Variants in CNTNAP4 observed in about 807,000 individuals in gnomAD.
CNTNAP4 encodes the protein contactin associated protein family member 4.
In CNTNAP4, 98 loss-of-function variants were observed where a neutral mutation model predicts 148.4. The observed-to-expected ratio is 0.66, with a 90% CI of 0.56 to 0.78. CNTNAP4 has a LOEUF of 0.78. Among genes scored for constraint, CNTNAP4 ranks in the 30% least tolerant of loss-of-function variants. The pLI, the probability that CNTNAP4 is intolerant of heterozygous loss-of-function variation, is 0.00. For missense variants in CNTNAP4, 1,935 were observed against 1,565.6 expected (o/e 1.24, Z -3.98); for synonymous variants, 730 against 565.1 (o/e 1.29, Z -4.14).
At chr16:76,403,866 A>T (rs879190429) in intron 3 of CNTNAP4, among the ~76,000 whole-genome samples, 1 of 152,238 alleles carries the variant, frequency 6.6e-6, no homozygotes, top group East Asian at 1.9e-4. Flanking sequence ...CTATGCAGCC[A>T]TAAGAAAAGA....
At chr16:76,308,748 G>C (rs1046563127) in intron 1 of CNTNAP4, among the ~76,000 whole-genome samples, 1 of 152,204 alleles carries the variant, frequency 6.6e-6, no homozygotes, top group Non-Finnish European at 1.5e-5. Flanking sequence ...AGGCAGTTAG[G>C]ATGAATCACT....
intron 3 of CNTNAP4, among the ~76,000 whole-genome samples, chr16:76,389,727 A>G (rs372998699): frequency 1.6e-4 from 24 of 152,104 alleles, no homozygotes; most frequent in Admixed American, 2.0e-4. Context: ...CAGCCTCCCA[A>G]AGTGCTGGGA....
At chr16:76,481,857 C>T (rs542247153) in intron 12 of CNTNAP4, among the ~76,000 whole-genome samples, 9 of 151,868 alleles carry the variant, frequency 5.9e-5, no homozygotes, top group East Asian at 5.8e-4. Context: ...CCTAGGATAG[C>T]GGGAGTATGG....
chr16:76,425,861 A>G (rs1237313290), intron 3 of CNTNAP4, among the ~76,000 whole-genome samples: 2 of 152,202 alleles, frequency 1.3e-5, no homozygotes, highest in Non-Finnish European at 2.9e-5. Context: ...TCTAAGTGGC[A>G]AAGAAAGTGT....
At chr16:76,480,459 G>A (rs1299976545) in intron 12 of CNTNAP4, among the ~76,000 whole-genome samples, 1 of 152,110 alleles carries the variant, frequency 6.6e-6, no homozygotes, top group Non-Finnish European at 1.5e-5. Context: ...AATAAATGGA[G>A]AAATATAAAA....
At chr16:76,420,659 C>T (rs1313339985) in intron 3 of CNTNAP4, among the ~76,000 whole-genome samples, 1 of 151,828 alleles carries the variant, frequency 6.6e-6, no homozygotes, top group African/African-American at 2.4e-5. Context: ...ATGAAAGCTG[C>T]TCATAAAACC....
chr16:76,441,098 C>G (rs1287896215), intron 4 of CNTNAP4, among the ~76,000 whole-genome samples: 1 of 152,082 alleles, frequency 6.6e-6, no homozygotes, highest in Non-Finnish European at 1.5e-5. Flanking sequence ...TCCTGCATGT[C>G]TTAGAAATCA....
rs2013007015 is a variant in CNTNAP4, at chr16:76,358,589, A to G, written c.390+3078A>G. On this transcript the variant is annotated intron_variant, in intron 3 of 23. Coordinates refer to ENST00000611870, the MANE Select transcript of CNTNAP4 (RefSeq NM_033401.5). Reference sequence around the variant, plus strand: ...TTTTATGAAGCTGGAAAGGTGTGAAAAAAGCATGGACATTGGGGATATCCA... The same window carrying G: ...TTTTATGAAGCTGGAAAGGTGTGAAGAAAGCATGGACATTGGGGATATCCA... 2.0e-5 allele frequency among the ~76,000 whole-genome samples: 3 copies of G among 152,198 alleles called. No individual in the cohort carries two copies. The South Asian group carries it at 6.2e-4, about 32-fold the overall frequency.
chr16:76,315,745 C>T (rs1296463756), intron 1 of CNTNAP4, among the ~76,000 whole-genome samples: 1 of 152,086 alleles, frequency 6.6e-6, no homozygotes, highest in Admixed American at 6.6e-5. Flanking sequence ...CAGGCGTGTG[C>T]CACCACACCC....
intron 3 of CNTNAP4, among the ~76,000 whole-genome samples, chr16:76,372,011 G>T (rs1482699280): frequency 6.6e-6 from 1 of 152,058 alleles, no homozygotes; most frequent in Non-Finnish European, 1.5e-5. Context: ...TTATTTCCAG[G>T]GAGTCTCTGC....
intron 17 of CNTNAP4, among the ~76,000 whole-genome samples, chr16:76,524,973 GA>G (rs995039985): frequency 6.2e-5 from 9 of 144,178 alleles, no homozygotes; most frequent in Middle Eastern, 3.6e-3. Flanking sequence ...TCATAAAAAA[GA>G]AAAAAAAAAC....
At chr16:76,344,998 A>C (rs1021602654) in intron 2 of CNTNAP4, among the ~76,000 whole-genome samples, 2 of 152,146 alleles carry the variant, frequency 1.3e-5, no homozygotes, top group African/African-American at 4.8e-5. Context: ...GTGACATCTG[A>C]GTCTGATTGA....
At position 76,550,093 on chromosome 16, in the gene CNTNAP4, C is replaced by A. The variant is rs147346792; in HGVS notation, c.3443-3190C>A. 1.1e-3 allele frequency among the ~76,000 whole-genome samples: 166 copies of A among 152,208 alleles called. 1 individual carries two copies. Among genetic ancestry groups the A allele is most frequent in the African/African-American group, 3.7e-3 (153 of 41,552 alleles). On this transcript the variant is annotated intron_variant, in intron 21 of 23. Coordinates refer to ENST00000611870, the MANE Select transcript of CNTNAP4 (RefSeq NM_033401.5). The stretch of plus-strand genomic sequence containing the variant: ...AGCCAGAAGATGCTGGAATAATATC[C>A]ATAGTGTACTAAGGGAATAGGGCTG...
intron 1 of CNTNAP4, among the ~76,000 whole-genome samples, chr16:76,296,480 T>C (rs1325324780): frequency 6.6e-6 from 1 of 152,212 alleles, no homozygotes; most frequent in Non-Finnish European, 1.5e-5. Flanking sequence ...GGTAAAATGA[T>C]AAAATGGAAA....
intron 15 of CNTNAP4, among the ~76,000 whole-genome samples, chr16:76,502,778 A>G (rs1461336740): frequency 6.6e-6 from 1 of 152,156 alleles, no homozygotes; most frequent in Non-Finnish European, 1.5e-5. Flanking sequence ...AGTGTCATTC[A>G]TTGAGACAGG....
At chr16:76,397,114 G>A (rs895169018) in intron 3 of CNTNAP4, among the ~76,000 whole-genome samples, 1 of 151,922 alleles carries the variant, frequency 6.6e-6, no homozygotes, top group Non-Finnish European at 1.5e-5. Context: ...AGACCCAGGG[G>A]CCTACAAGAG....
At chr16:76,458,026 T>C (rs1401753188) in intron 8 of CNTNAP4, among the ~76,000 whole-genome samples, 2 of 152,190 alleles carry the variant, frequency 1.3e-5, no homozygotes, top group Non-Finnish European at 2.9e-5. Context: ...TAGCTCCCAC[T>C]TACAAGTGAG....
chr16:76,475,357 T>C (rs371432489), intron 10 of CNTNAP4, among the ~76,000 whole-genome samples: 2 of 152,156 alleles, frequency 1.3e-5, no homozygotes, highest in South Asian at 2.1e-4. Flanking sequence ...AGTCACACGG[T>C]GTTTGATAGA....
chr16:76,353,438 G>T (rs1037362657), intron 2 of CNTNAP4, among the ~76,000 whole-genome samples: 3 of 152,182 alleles, frequency 2.0e-5, no homozygotes, highest in Non-Finnish European at 4.4e-5. Flanking sequence ...CTTTGACACA[G>T]TTTTGACCCC....
Sources: allele counts gnomAD v4.1 joint callset (sites outside exome capture counted in the v4.1 genomes callset), GRCh38; gene constraint gnomAD v4.1.1; transcripts MANE v1.5; gene names NCBI Gene and HGNC (gene_info 2026-07-23, HGNC 2026-07-21).